Variants in AUTS2 observed in about 807,000 individuals in gnomAD.
AUTS2 encodes activator of transcription and developmental regulator AUTS2, also known as autism susceptibility gene 2 protein.
In AUTS2, 17 loss-of-function variants were observed where a neutral mutation model predicts 112.4. The ratio of observed to expected loss-of-function variants is 0.15; its 90% CI spans 0.10 to 0.23. AUTS2 has a LOEUF of 0.23. AUTS2 is among the 10% of genes least tolerant of loss of function. The pLI, the probability that AUTS2 is intolerant of heterozygous loss-of-function variation, is 1.00. For synonymous variants in AUTS2, 751 were observed against 702.7 expected, an observed-to-expected ratio of 1.07 and a Z score of -1.09; for missense variants, 1,510 against 1,701.6, an observed-to-expected ratio of 0.89 and a Z score of 1.98.
intron 5 of AUTS2, among the ~76,000 whole-genome samples, chr7:70,603,498 T>C (rs187272202): frequency 9.2e-5 from 14 of 152,310 alleles, no homozygotes; most frequent in African/African-American, 3.4e-4. Flanking sequence ...GCCTCTGTGC[T>C]GTGCCCTCCT....
chr7:70,768,873 A>ATTTCTTT (rs1790114709), intron 10 of AUTS2, among the ~76,000 whole-genome samples: 1 of 55,600 alleles, frequency 1.8e-5, no homozygotes, highest in Non-Finnish European at 3.3e-5. Context: ...TTTGCCAGTG[A>ATTTCTTT]TTTCTTTTTT....
intron 5 of AUTS2, among the ~76,000 whole-genome samples, chr7:70,589,184 C>T (rs1451221377): frequency 6.6e-6 from 1 of 152,226 alleles, no homozygotes; most frequent in African/African-American, 2.4e-5. Flanking sequence ...CAAGCATGCA[C>T]TGCGAGACAT....
intron 4 of AUTS2, among the ~76,000 whole-genome samples, chr7:70,254,940 T>C (rs1157264022): frequency 3.9e-5 from 6 of 152,148 alleles, no homozygotes; most frequent in African/African-American, 1.4e-4. Context: ...CTTTCCCTTC[T>C]AACATAACAA....
chr7:70,780,194 C>G (rs1762331187), intron 14 of AUTS2, among the ~76,000 whole-genome samples: 1 of 152,028 alleles, frequency 6.6e-6, no homozygotes, highest in Non-Finnish European at 1.5e-5. Flanking sequence ...GAAGCCAGTT[C>G]AAAGAGAAAG....
At chr7:70,117,117 G>GTTTTTTTTTTTTTTTTTTT (rs60488343) in intron 2 of AUTS2, among the ~76,000 whole-genome samples, 5 of 73,100 alleles carry the variant, frequency 6.8e-5, no homozygotes, top group African/African-American at 1.2e-4. Context: ...TTTTTTTTTT[G>GTTTTTTTTTTTTTTTTTTT]TTTTTTTTTG....
intron 1 of AUTS2, among the ~76,000 whole-genome samples, chr7:69,704,908 C>T (rs505949): frequency 6.6e-6 from 1 of 151,898 alleles, no homozygotes; most frequent in Non-Finnish European, 1.5e-5. Flanking sequence ...GTTCTGTCAC[C>T]CAGGCTAGAG....
At chr7:70,740,671 G>A (rs575555869) in intron 6 of AUTS2, among the ~76,000 whole-genome samples, 31 of 151,716 alleles carry the variant, frequency 2.0e-4, no homozygotes, top group Non-Finnish European at 2.9e-4. Flanking sequence ...AATATTTATC[G>A]TACTTATTTG....
At chr7:70,114,743 G>A (rs1262457527) in intron 2 of AUTS2, among the ~76,000 whole-genome samples, 1 of 152,208 alleles carries the variant, frequency 6.6e-6, no homozygotes, top group African/African-American at 2.4e-5. Context: ...GGAGGTTGCG[G>A]TGAGCAGAGA....
intron 2 of AUTS2, among the ~76,000 whole-genome samples, chr7:70,041,482 AG>A (rs1801245308): frequency 6.6e-6 from 1 of 152,182 alleles, no homozygotes; most frequent in South Asian, 2.1e-4. Context: ...GAATTCCAGT[AG>A]TTTCATTGAT....
intron 5 of AUTS2, among the ~76,000 whole-genome samples, chr7:70,565,799 T>C (rs765012450): frequency 2.6e-5 from 4 of 152,236 alleles, no homozygotes; most frequent in African/African-American, 9.6e-5. Context: ...GAGAATAGCA[T>C]ATAATTTCCT....
rs555363527 is a variant in AUTS2, at chr7:70,606,768, A to G, written c.691-91801A>G. ...TCCCAGATACTAGGGAGACTGAGGCAGGAGAATCGCTTGTACCTGGGAGGT... is the reference window on the plus strand; with the variant it reads ...TCCCAGATACTAGGGAGACTGAGGCGGGAGAATCGCTTGTACCTGGGAGGT... On this transcript the variant is annotated intron_variant, in intron 5 of 18. Transcript: ENST00000342771. Among the ~76,000 whole-genome samples, 5 of 151,718 alleles carry G rather than the reference A, an allele frequency of 3.3e-5. No individual in the cohort carries two copies. The East Asian group carries it at 9.8e-4, about 30-fold the overall frequency.
At chr7:69,720,002 A>G (rs1423340701) in intron 1 of AUTS2, among the ~76,000 whole-genome samples, 1 of 152,222 alleles carries the variant, frequency 6.6e-6, no homozygotes, top group Non-Finnish European at 1.5e-5. Context: ...GATGGAATCC[A>G]ATTAAAAGGA....
intron 4 of AUTS2, among the ~76,000 whole-genome samples, chr7:70,414,771 A>G (rs990850098): frequency 9.2e-5 from 14 of 152,184 alleles, no homozygotes; most frequent in Admixed American, 4.6e-4. Context: ...GGATCTATTT[A>G]GGGGAAAAAA....
chr7:70,223,493 CA>C (rs1001148626), intron 4 of AUTS2, among the ~76,000 whole-genome samples: 6 of 152,170 alleles, frequency 3.9e-5, no homozygotes, highest in African/African-American at 1.4e-4. Flanking sequence ...CTGGTGTAAA[CA>C]AACCTACTGC....
At chr7:70,181,548 C>T (rs958165059) in intron 4 of AUTS2, among the ~76,000 whole-genome samples, 3 of 148,202 alleles carry the variant, frequency 2.0e-5, no homozygotes, top group East Asian at 4.0e-4. Flanking sequence ...AGTGCAGTGG[C>T]GCCATCTCGG....
chr7:70,518,894 G>A (rs561344725), intron 5 of AUTS2, among the ~76,000 whole-genome samples: 4 of 152,002 alleles, frequency 2.6e-5, no homozygotes, highest in South Asian at 4.2e-4. Context: ...AGTAGAGACG[G>A]GGTTTTACCA....
intron 1 of AUTS2, chr7:69,824,588 C>T (rs1443087109): frequency 1.3e-5 from 2 of 151,882 alleles, no homozygotes; most frequent in East Asian, 1.9e-4. Flanking sequence ...TTTTCATCAG[C>T]TTCACAACCC....
chr7:70,140,955 C>T (rs184952898), intron 4 of AUTS2, among the ~76,000 whole-genome samples: 12 of 152,200 alleles, frequency 7.9e-5, no homozygotes, highest in Admixed American at 5.9e-4. Flanking sequence ...AAGCATGGCT[C>T]TCAAGTCAAA....
intron 4 of AUTS2, among the ~76,000 whole-genome samples, chr7:70,408,089 G>C (rs1247255048): frequency 6.6e-6 from 1 of 151,476 alleles, no homozygotes; most frequent in Non-Finnish European, 1.5e-5. Flanking sequence ...AATGAGATGG[G>C]AGGATCGCTT....
Sources: allele counts gnomAD v4.1 joint callset (sites outside exome capture counted in the v4.1 genomes callset), GRCh38; gene constraint gnomAD v4.1.1; transcripts MANE v1.5; gene names NCBI Gene and HGNC (gene_info 2026-07-23, HGNC 2026-07-21).